THSD4: variants seen among roughly 807,000 people sequenced by gnomAD.
THSD4 encodes thrombospondin type 1 domain containing 4.
THSD4 carries 69 observed loss-of-function variants against 119.0 expected under a neutral mutation model. That is an observed-to-expected ratio of 0.58 (90% CI 0.48 to 0.71). The LOEUF is 0.71. Ranked by LOEUF, THSD4 falls within the 30% of genes least tolerant of loss-of-function variation. THSD4 has a pLI of 0.00. For synonymous variants in THSD4, 524 were observed against 540.4 expected (o/e 0.97, Z 0.42); for missense variants, 1,393 against 1,391.1 (o/e 1.00, Z -0.02).
At chr15:71,423,263 T>C (rs1374639058) in intron 7 of THSD4, among the ~76,000 whole-genome samples, 1 of 152,150 alleles carries the variant, frequency 6.6e-6, no homozygotes. Context: ...AGAAGGAGTT[T>C]CTGTCCATAG....
chr15:71,138,873 TGTGA>T (rs1244555567), intron 1 of THSD4, among the ~76,000 whole-genome samples: 2 of 148,342 alleles, frequency 1.3e-5, no homozygotes, highest in African/African-American at 5.3e-5. Context: ...TGTGTGTGTG[TGTGA>T]GTGTGTGTGT....
chr15:71,588,283 G>C (rs2049724323), intron 7 of THSD4, among the ~76,000 whole-genome samples: 1 of 141,400 alleles, frequency 7.1e-6, no homozygotes, highest in Non-Finnish European at 1.5e-5. Context: ...TCCAGCCTGG[G>C]CGACAGAGCG....
chr15:71,215,258 T>C lies in THSD4; in HGVS notation c.323T>C (p.Val108Ala). 6.7e-7 allele frequency: 1 copy of C among 1,493,996 alleles called. No individual in the cohort carries two copies. The highest frequency in any genetic ancestry group is 2.1e-5 in the Admixed American group (1 of 46,694). 92.5% of individuals were successfully genotyped at this position (1,493,996 alleles called of 1,614,324 possible). ...TTCGCGGACCACGTGGTGTCGGCGGTGCGCACGTCGGTGCCACTGCACCGG... is the reference window on the plus strand; with the variant it reads ...TTCGCGGACCACGTGGTGTCGGCGGCGCGCACGTCGGTGCCACTGCACCGG... ...RAFADHVVSAVRTSVPLHRSR... is the reference protein window; with the variant it reads ...RAFADHVVSAARTSVPLHRSR... Residue 108 changes from valine (V) to alanine (A), a missense_variant, in exon 4 of 18, where the codon GTG becomes GCG. Coordinates refer to ENST00000261862, the MANE Select transcript of THSD4 (RefSeq NM_024817.3).
chr15:71,467,333 T>A (rs993115103), intron 7 of THSD4, among the ~76,000 whole-genome samples: 2 of 152,178 alleles, frequency 1.3e-5, no homozygotes, highest in African/African-American at 4.8e-5. Context: ...TTATTTAATA[T>A]AAGTTTTATG....
At chr15:71,307,982 G>A (rs999011606) in intron 6 of THSD4, among the ~76,000 whole-genome samples, 1 of 152,148 alleles carries the variant, frequency 6.6e-6, no homozygotes, top group African/African-American at 2.4e-5. Flanking sequence ...CCCCACCAGG[G>A]AAGCATGCCA....
intron 7 of THSD4, among the ~76,000 whole-genome samples, chr15:71,505,806 A>C (rs1035420084): frequency 1.3e-5 from 2 of 152,360 alleles, no homozygotes; most frequent in African/African-American, 4.8e-5. Flanking sequence ...CCATGCGATT[A>C]ATAGTATCAG....
chr15:71,528,133 C>T (rs1004105344), intron 7 of THSD4, among the ~76,000 whole-genome samples: 4 of 152,132 alleles, frequency 2.6e-5, no homozygotes, highest in African/African-American at 9.7e-5. Flanking sequence ...CCCAACTTTC[C>T]AGAGTGTTTA....
intron 7 of THSD4, among the ~76,000 whole-genome samples, chr15:71,626,138 G>C (rs2050505367): frequency 6.6e-6 from 1 of 152,044 alleles, no homozygotes; most frequent in Non-Finnish European, 1.5e-5. Flanking sequence ...CATTCTTTTT[G>C]TGGTTGGTTA....
upstream of THSD4, chr15:71,110,989 C>T (rs762590718): frequency 2.0e-4 from 144 of 728,132 alleles, 1 homozygote; most frequent in Non-Finnish European, 2.9e-4. Context: ...AGGCTGCCAG[C>T]CCCGCCTTCT....
intron 3 of THSD4, among the ~76,000 whole-genome samples, chr15:71,172,467 T>C (rs1223805716): frequency 6.6e-6 from 1 of 151,596 alleles, no homozygotes; most frequent in Middle Eastern, 3.2e-3. Flanking sequence ...TAGCAGACTT[T>C]TAATATAAAT....
At chr15:71,684,064 T>C (rs2051855033) in intron 8 of THSD4, among the ~76,000 whole-genome samples, 1 of 152,222 alleles carries the variant, frequency 6.6e-6, no homozygotes, top group Non-Finnish European at 1.5e-5. Flanking sequence ...TTTTGTTATT[T>C]TCCATATAAA....
intron 7 of THSD4, among the ~76,000 whole-genome samples, chr15:71,522,083 G>A (rs1421031284): frequency 1.3e-5 from 2 of 152,138 alleles, no homozygotes; most frequent in African/African-American, 2.4e-5. Context: ...TACACCTGAT[G>A]TGAACTTTGG....
intron 7 of THSD4, among the ~76,000 whole-genome samples, chr15:71,627,602 G>C (rs1460902355): frequency 6.6e-6 from 1 of 152,174 alleles, no homozygotes; most frequent in Non-Finnish European, 1.5e-5. Flanking sequence ...TCTCATATGA[G>C]GACCGCCTGT....
At chr15:71,124,410 T>C (rs1049723773) in intron 1 of THSD4, among the ~76,000 whole-genome samples, 1 of 152,256 alleles carries the variant, frequency 6.6e-6, no homozygotes, top group African/African-American at 2.4e-5. Context: ...GTTTAACCTG[T>C]GGGCCAGAGT....
At chr15:71,690,131 G>C (rs2141048806) in intron 8 of THSD4, among the ~76,000 whole-genome samples, 1 of 152,352 alleles carries the variant, frequency 6.6e-6, no homozygotes, top group South Asian at 2.1e-4. Flanking sequence ...ATTTCAGCCA[G>C]AGTGATCTTT....
rs546765475 is a variant in THSD4, at chr15:71,483,661, G to T, written c.1152+71838G>T. Among the ~76,000 whole-genome samples, 3 of 152,064 alleles carry T rather than the reference G, an allele frequency of 2.0e-5. No individual in the cohort carries two copies. The East Asian group carries it at 5.8e-4, about 29-fold the overall frequency. On this transcript the variant is annotated intron_variant, in intron 7 of 17. Transcript: ENST00000261862. Reference sequence around the variant, plus strand: ...TTTGTTACATAGGTAAATGTGTGCCGTGGTGGTGGTTTGCTGCACCTGTCA... The same window carrying T: ...TTTGTTACATAGGTAAATGTGTGCCTTGGTGGTGGTTTGCTGCACCTGTCA...
At chr15:71,682,542 A>G (rs1385422205) in intron 8 of THSD4, among the ~76,000 whole-genome samples, 2 of 150,304 alleles carry the variant, frequency 1.3e-5, no homozygotes, top group Non-Finnish European at 2.9e-5. Flanking sequence ...TATAAATGGA[A>G]TAATACAGCA....
At chr15:71,694,702 A>G (rs925022689) in intron 8 of THSD4, among the ~76,000 whole-genome samples, 5 of 152,186 alleles carry the variant, frequency 3.3e-5, no homozygotes, top group Admixed American at 6.5e-5. Context: ...AGATACCAGG[A>G]ACTGAACTGA....
chr15:71,640,062 A>G (rs896907775), intron 7 of THSD4, among the ~76,000 whole-genome samples: 1 of 152,140 alleles, frequency 6.6e-6, no homozygotes, highest in African/African-American at 2.4e-5. Context: ...GAAAAGTGGT[A>G]ACAACGGCAA....
Sources: allele counts gnomAD v4.1 joint callset (sites outside exome capture counted in the v4.1 genomes callset), GRCh38; gene constraint gnomAD v4.1.1; transcripts MANE v1.5; gene names NCBI Gene and HGNC (gene_info 2026-07-23, HGNC 2026-07-21).